DCDC2C: variants seen among roughly 807,000 people sequenced by gnomAD.
DCDC2C encodes doublecortin domain containing 2C, also known as doublecortin domain-containing protein 2C.
In DCDC2C, 44 loss-of-function variants were observed where a neutral mutation model predicts 45.0. That is an observed-to-expected ratio of 0.98 (90% CI 0.77 to 1.26). DCDC2C has a LOEUF of 1.26. DCDC2C is among the 50% of genes most tolerant of loss of function. The pLI, the probability that DCDC2C is intolerant of heterozygous loss-of-function variation, is 0.00. For missense variants in DCDC2C, 447 were observed against 468.9 expected (o/e 0.95, Z 0.43); for synonymous variants, 187 against 178.8 (o/e 1.05, Z -0.37).
At chr2:3,836,234 G>C (rs1173870545) in intron 10 of DCDC2C, among the ~76,000 whole-genome samples, 1 of 152,070 alleles carries the variant, frequency 6.6e-6, no homozygotes, top group Non-Finnish European at 1.5e-5. Flanking sequence ...CATAATTCCA[G>C]TCTGTTTATG....
chr2:3,817,623 G>C (rs1328948766), intron 10 of DCDC2C, among the ~76,000 whole-genome samples: 1 of 152,196 alleles, frequency 6.6e-6, no homozygotes, highest in Non-Finnish European at 1.5e-5. Flanking sequence ...ATGAGGGCTA[G>C]GCTAAAACAG....
At chr2:3,738,021 T>C (rs1669080665) in intron 3 of DCDC2C, among the ~76,000 whole-genome samples, 1 of 152,160 alleles carries the variant, frequency 6.6e-6, no homozygotes, top group South Asian at 2.1e-4. Context: ...CAATGGTAAA[T>C]ATATATTTTT....
At chr2:3,781,869 G>A (rs1289404391) in intron 9 of DCDC2C, among the ~76,000 whole-genome samples, 3 of 152,076 alleles carry the variant, frequency 2.0e-5, no homozygotes, top group Non-Finnish European at 4.4e-5. Context: ...TGTCTGGAAA[G>A]AAAAACAACA....
intron 10 of DCDC2C, among the ~76,000 whole-genome samples, chr2:3,846,343 A>C (rs114009685): frequency 0.011 from 1,600 of 151,814 alleles, 35 homozygotes; most frequent in African/African-American, 0.036. Flanking sequence ...GCAGTGCCAC[A>C]ATGACAGTCT....
chr2:3,768,640 C>A lies in DCDC2C; in HGVS notation c.854-671C>A, dbSNP rs13397726. On this transcript the variant is annotated intron_variant, in intron 7 of 10. Coordinates refer to ENST00000399143, the MANE Select transcript of DCDC2C (RefSeq NM_001287444.2). ...CCAGGCTGGAGTGCAGTGGTGTGAT[C>A]TCAGCTCACTGCAACCTCTGCCTCC... Among the ~76,000 whole-genome samples the A allele has an allele frequency of 4.8e-3, 733 of 152,310 alleles. 3 individuals are homozygous for A. The highest frequency in any genetic ancestry group is 0.017 in the African/African-American group (695 of 41,554).
At chr2:3,735,263 A>AT (rs962851103) in intron 3 of DCDC2C, among the ~76,000 whole-genome samples, 7 of 151,274 alleles carry the variant, frequency 4.6e-5, no homozygotes, top group African/African-American at 1.2e-4. Flanking sequence ...TTAATTTTTA[A>AT]TTTTTTTATT....
intron 6 of DCDC2C, among the ~76,000 whole-genome samples, chr2:3,767,469 A>G (rs2148151083): frequency 6.6e-6 from 1 of 152,288 alleles, no homozygotes; most frequent in African/African-American, 2.4e-5. Flanking sequence ...TTATTTTGTC[A>G]GGTTTTAGGA....
chr2:3,776,637 G>T (rs780631402), intron 8 of DCDC2C, among the ~76,000 whole-genome samples: 1 of 152,204 alleles, frequency 6.6e-6, no homozygotes, highest in Non-Finnish European at 1.5e-5. Flanking sequence ...CTGGCTTTCA[G>T]CAAGGATGAG....
chr2:3,837,622 A>ATACAGTATCAAGAGAGGCG (rs1558249632), intron 10 of DCDC2C, among the ~76,000 whole-genome samples: 1 of 124,482 alleles, frequency 8.0e-6, no homozygotes, highest in African/African-American at 2.8e-5. Context: ...GAAACTGAGG[A>ATACAGTATCAAGAGAGGCG]AGAAATCAGC....
intron 6 of DCDC2C, among the ~76,000 whole-genome samples, chr2:3,762,290 T>C (rs538460327): frequency 6.6e-6 from 1 of 151,742 alleles, no homozygotes; most frequent in Admixed American, 6.6e-5. Flanking sequence ...GAAATGGCTG[T>C]GTAAGTGGAA....
intron 10 of DCDC2C, among the ~76,000 whole-genome samples, chr2:3,799,326 G>A (rs879890526): frequency 3.3e-5 from 5 of 152,086 alleles, no homozygotes; most frequent in African/African-American, 9.7e-5. Flanking sequence ...ATTTCCTCCT[G>A]TAGCTTGGAG....
At chr2:3,809,673 G>T (rs1193611953) in intron 10 of DCDC2C, among the ~76,000 whole-genome samples, 1 of 152,068 alleles carries the variant, frequency 6.6e-6, no homozygotes, top group African/African-American at 2.4e-5. Flanking sequence ...ATGCAGGTTT[G>T]TTACACAGGT....
chr2:3,721,105 T>C (rs1668488422), intron 2 of DCDC2C, among the ~76,000 whole-genome samples: 1 of 152,244 alleles, frequency 6.6e-6, no homozygotes, highest in Non-Finnish European at 1.5e-5. Context: ...GCCTCTCTCA[T>C]TCCTGATATT....
chr2:3,822,713 T>C (rs956461898), intron 10 of DCDC2C, among the ~76,000 whole-genome samples: 1 of 152,144 alleles, frequency 6.6e-6, no homozygotes, highest in Non-Finnish European at 1.5e-5. Flanking sequence ...GGTGGAAGTT[T>C]CAGTAACTGA....
At chr2:3,731,065 G>C (rs143169382) in intron 3 of DCDC2C, among the ~76,000 whole-genome samples, 2 of 152,310 alleles carry the variant, frequency 1.3e-5, no homozygotes, top group Non-Finnish European at 2.9e-5. Flanking sequence ...GACACTTCTG[G>C]AGCTAATGAT....
intron 10 of DCDC2C, among the ~76,000 whole-genome samples, chr2:3,836,319 G>A (rs993757333): frequency 6.6e-6 from 1 of 151,998 alleles, no homozygotes; most frequent in Admixed American, 6.6e-5. Context: ...AAATATCAAG[G>A]CCATGAAAAA....
At chr2:3,820,439 G>T (rs1355987040) in intron 10 of DCDC2C, among the ~76,000 whole-genome samples, 1 of 152,126 alleles carries the variant, frequency 6.6e-6, no homozygotes, top group Non-Finnish European at 1.5e-5. Context: ...CGGAGAAGGG[G>T]GTTAGTGAGC....
At chr2:3,795,141 T>G (rs967487359) in intron 10 of DCDC2C, among the ~76,000 whole-genome samples, 2 of 151,408 alleles carry the variant, frequency 1.3e-5, no homozygotes, top group African/African-American at 4.8e-5. Flanking sequence ...TTTCATGTGT[T>G]TTTTGGCTGC....
intron 6 of DCDC2C, 71 bp downstream of exon 6, chr2:3,754,705 C>T (rs1055641518): frequency 7.2e-7 from 1 of 1,381,272 alleles, no homozygotes; most frequent in Non-Finnish European, 1.0e-6. Context: ...AACAAGGGCA[C>T]AGCGCAGGGT....
Sources: allele counts gnomAD v4.1 joint callset (sites outside exome capture counted in the v4.1 genomes callset), GRCh38; gene constraint gnomAD v4.1.1; transcripts MANE v1.5; gene names NCBI Gene and HGNC (gene_info 2026-07-23, HGNC 2026-07-21).